Variants in TTLL11 observed in about 807,000 individuals in gnomAD.
The protein encoded by TTLL11 is tubulin polyglutamylase TTLL11.
A neutral mutation model predicts 51.7 loss-of-function variants in TTLL11; 42 were observed. The observed-to-expected ratio is 0.81, with a 90% CI of 0.64 to 1.05. TTLL11 has a LOEUF of 1.05. Ranked by LOEUF, TTLL11 falls within the 50% of genes least tolerant of loss-of-function variation. The pLI is 0.00. For missense variants in TTLL11, 799 were observed against 940.4 expected (o/e 0.85, Z 1.97); for synonymous variants, 381 against 383.5 (o/e 0.99, Z 0.08).
chr9:121,939,432 C>T (rs995370978), intron 6 of TTLL11, among the ~76,000 whole-genome samples: 5 of 151,864 alleles, frequency 3.3e-5, no homozygotes, highest in African/African-American at 7.3e-5. Context: ...AAAATGATGT[C>T]GTATCATTTA....
rs967027589 is a variant in TTLL11 at position 122,003,391 on chromosome 9, G to A, written c.694-13621C>T. Among the ~76,000 whole-genome samples the A allele has an allele frequency of 5.3e-5, 8 of 151,822 alleles. No homozygotes were observed. The South Asian group carries it at 6.2e-4, about 12-fold the overall frequency. ...TATGGTGATGTTAGTCAATGGTGAC[G>A]TTAGTCAATATATATTATAACATTT... On this transcript the variant is annotated intron_variant, in intron 3 of 8. Transcript: ENST00000321582.
chr9:122,017,277 G>A (rs986267233), intron 3 of TTLL11, among the ~76,000 whole-genome samples: 4 of 151,968 alleles, frequency 2.6e-5, no homozygotes, highest in Non-Finnish European at 2.9e-5. Flanking sequence ...ATAAAGCCCC[G>A]TGTTTGGCTT....
intron 6 of TTLL11, among the ~76,000 whole-genome samples, chr9:121,971,271 G>C (rs1164628101): frequency 9.2e-6 from 1 of 108,564 alleles, no homozygotes; most frequent in African/African-American, 3.2e-5. Context: ...GGTGGGGGGG[G>C]GGTCAGCCCC....
chr9:122,070,839 C>T (rs1168142248), intron 1 of TTLL11, among the ~76,000 whole-genome samples: 4 of 152,134 alleles, frequency 2.6e-5, no homozygotes, highest in Non-Finnish European at 5.9e-5. Context: ...ATGGTGTACA[C>T]GGGCACAGGC....
chr9:122,032,433 A>G (rs1844580668), intron 2 of TTLL11, among the ~76,000 whole-genome samples: 1 of 152,196 alleles, frequency 6.6e-6, no homozygotes. Flanking sequence ...TTTATACTTC[A>G]AGGGAAAAAT....
At chr9:122,089,377 A>G (rs949841860) in intron 1 of TTLL11, among the ~76,000 whole-genome samples, 2 of 152,194 alleles carry the variant, frequency 1.3e-5, no homozygotes, top group East Asian at 3.9e-4. Flanking sequence ...ATCTCATCCA[A>G]TATCACCTCA....
intron 6 of TTLL11, among the ~76,000 whole-genome samples, chr9:121,928,154 G>A (rs547665253): frequency 5.2e-4 from 79 of 152,092 alleles, no homozygotes; most frequent in Non-Finnish European, 9.0e-4. Flanking sequence ...CCTGTGATTC[G>A]ATAAAATCAA....
intron 7 of TTLL11, among the ~76,000 whole-genome samples, chr9:121,861,946 T>C (rs560264467): frequency 1.3e-5 from 2 of 152,312 alleles, no homozygotes; most frequent in African/African-American, 4.8e-5. Context: ...TCCTTGCTGC[T>C]CTGTGTGGGC....
intron 6 of TTLL11, among the ~76,000 whole-genome samples, chr9:121,888,504 G>C (rs978133811): frequency 6.6e-6 from 1 of 152,172 alleles, no homozygotes; most frequent in African/African-American, 2.4e-5. Context: ...TTGTAGACAG[G>C]GGCTGTGTCT....
intron 1 of TTLL11, among the ~76,000 whole-genome samples, chr9:122,068,104 T>G (rs1845635524): frequency 6.6e-6 from 1 of 152,180 alleles, no homozygotes; most frequent in African/African-American, 2.4e-5. Flanking sequence ...ATTAAGTAAA[T>G]GATGGTACAT....
intron 8 of TTLL11, among the ~76,000 whole-genome samples, chr9:121,847,909 T>C (rs1253907589): frequency 2.0e-5 from 3 of 152,130 alleles, no homozygotes; most frequent in African/African-American, 7.2e-5. Context: ...CTCAATAAAA[T>C]ATCAGCAAAT....
chr9:122,029,881 T>C (rs954919791), intron 3 of TTLL11, among the ~76,000 whole-genome samples: 1 of 152,158 alleles, frequency 6.6e-6, no homozygotes, highest in Non-Finnish European at 1.5e-5. Context: ...TCATTTTTCA[T>C]CTTTTATACA....
chr9:121,868,450 C>A (rs918857205), intron 7 of TTLL11, among the ~76,000 whole-genome samples: 11 of 152,182 alleles, frequency 7.2e-5, no homozygotes, highest in African/African-American at 2.7e-4. Flanking sequence ...AATGCAGCTT[C>A]CAGGAAAGCT....
chr9:121,881,287 T>C lies in TTLL11; in HGVS notation c.1482-10539A>G, dbSNP rs144959884. 1.2e-3 allele frequency among the ~76,000 whole-genome samples: 186 copies of C among 149,900 alleles called. 1 individual carries two copies. Among genetic ancestry groups the C allele is most frequent in the African/African-American group, 4.4e-3 (175 of 40,188 alleles). On this transcript the variant is annotated intron_variant, in intron 6 of 8. Coordinates refer to ENST00000321582, the MANE Select transcript of TTLL11 (RefSeq NM_001139442.2). The stretch of plus-strand genomic sequence containing the variant: ...TATAGGGCTATGTGAATACAGACAA[T>C]AAGTTGGGGGAAGCCATGTGTAAAA...
At chr9:121,891,516 G>A (rs372751630) in intron 6 of TTLL11, among the ~76,000 whole-genome samples, 36 of 152,244 alleles carry the variant, frequency 2.4e-4, no homozygotes, top group African/African-American at 8.2e-4. Context: ...TCATCTCTGG[G>A]GCCAGCCGGT....
At chr9:121,860,219 A>T in intron 8 of TTLL11, 118 bp downstream of exon 8, 1 of 735,050 alleles carries the variant, frequency 1.4e-6, no homozygotes, top group Non-Finnish European at 2.2e-6. Flanking sequence ...GATTATGTCT[A>T]GATCTGATGG....
In TTLL11 at chr9:121,822,762, G is replaced by A. The variant is rs550824818; in HGVS notation, c.1958C>T (p.Ser653Phe). 1.3e-6 allele frequency: 2 copies of A among 1,551,564 alleles called. No homozygotes were observed. The highest frequency in any genetic ancestry group is 2.7e-5 in the African/African-American group (2 of 73,050). ...CACCAGGCGTTTTTCATCCAGCAGG[G>A]ACAGGTGGTACTCGCAAAGGTCAAT... ...SLIDLCEYHL[S>F]LLDEKRLVCG... The change falls in exon 9 of 9, where the codon TCC (serine) becomes TTC (phenylalanine). Residue 653 changes from serine (S) to phenylalanine (F), a missense_variant. Physicochemically the swap from Ser to Phe is radical, Grantham distance 155. Transcript: ENST00000321582. This position sits in a 1 kb window ranked among gnomAD's most constrained non-coding sequence, Gnocchi z 5.8.
intron 3 of TTLL11, among the ~76,000 whole-genome samples, chr9:122,007,357 C>T (rs1340893188): frequency 3.3e-5 from 5 of 151,530 alleles, no homozygotes; most frequent in African/African-American, 1.2e-4. Flanking sequence ...GGTGTGGTGG[C>T]GGACGCCTGT....
intron 3 of TTLL11, among the ~76,000 whole-genome samples, chr9:122,022,970 A>T (rs1844222193): frequency 6.6e-6 from 1 of 151,970 alleles, no homozygotes; most frequent in Non-Finnish European, 1.5e-5. Context: ...TCAAAAATGT[A>T]TACCATAAAT....
Sources: gnomAD v4.1 joint callset for allele counts (sites outside exome capture counted in the v4.1 genomes callset) on GRCh38, gnomAD v4.1.1 for gene constraint, Gnocchi (gnomAD v3.1) non-coding constraint, MANE v1.5 for transcripts, NCBI Gene and HGNC (gene_info 2026-07-23, HGNC 2026-07-21) for gene names.